GRAMD1B: variants seen among roughly 807,000 people sequenced by gnomAD.
The protein encoded by GRAMD1B is protein Aster-B.
In GRAMD1B, 37 loss-of-function variants were observed where a neutral mutation model predicts 99.7. The ratio of observed to expected loss-of-function variants is 0.37; its 90% confidence interval spans 0.29 to 0.49. The LOEUF (loss-of-function observed/expected upper bound fraction) is 0.49. GRAMD1B is among the 20% of genes least tolerant of loss of function. The probability of loss-of-function intolerance (pLI) is 0.98; values close to 1 mark genes in which losing one functional copy is unlikely to be tolerated. For synonymous variants in GRAMD1B, 427 were observed against 387.6 expected (o/e 1.10, Z -1.19); for missense variants, 888 against 1,009.2 (o/e 0.88, Z 1.63).
At chr11:123,415,804 A>G (rs1948215767) in intron 1 of GRAMD1B, among the ~76,000 whole-genome samples, 1 of 152,194 alleles carries the variant, frequency 6.6e-6, no homozygotes, top group Admixed American at 6.5e-5. Flanking sequence ...GAAACTTGCT[A>G]TTAGTGTTTT....
At position 123,449,714 on chromosome 11, in the gene GRAMD1B, C is replaced by CTTTTTTTTTTTTTTTTTTTTTTTTTTTT. The variant is rs767104181; in HGVS notation, c.374+18565_374+18566insTTTTTTTTTTTTTTTTTTTTTTTTTTTT. 1.3e-3 allele frequency among the ~76,000 whole-genome samples: 134 copies of CTTTTTTTTTTTTTTTTTTTTTTTTTTTT among 99,928 alleles called. 15 individuals are homozygous for CTTTTTTTTTTTTTTTTTTTTTTTTTTTT. Among genetic ancestry groups the CTTTTTTTTTTTTTTTTTTTTTTTTTTTT allele is most frequent in the Middle Eastern group, 5.1e-3 (1 of 198 alleles). 65.6% of individuals were successfully genotyped at this position (99,928 alleles called of 152,430 possible). On this transcript the variant is annotated intron_variant, in intron 1 of 19. Transcript: ENST00000635736. Reference sequence around the variant, plus strand: ...TGCAGATGCATGCCACCATGCCTGGCTTTTTTTTTTTTTTTTTGAGACAGG... The same window carrying CTTTTTTTTTTTTTTTTTTTTTTTTTTTT: ...TGCAGATGCATGCCACCATGCCTGGCTTTTTTTTTTTTTTTTTTTTTTTTTTTTTTTTTTTTTTTTTTTTTGAGACAGG...
chr11:123,505,416 G>A (rs1043375531), intron 2 of GRAMD1B, among the ~76,000 whole-genome samples: 1 of 152,090 alleles, frequency 6.6e-6, no homozygotes, highest in Non-Finnish European at 1.5e-5. Context: ...TTCTGTGGGG[G>A]ACATAAAATT....
rs1226657302 is a variant in GRAMD1B at position 123,492,991 on chromosome 11, C to G, written c.452+12098C>G. On this transcript the variant is annotated intron_variant, in intron 2 of 19. Transcript: ENST00000635736. The surrounding 1 kb of genome is among the most constrained non-coding windows in gnomAD (Gnocchi z 4.2). Reference sequence around the variant, plus strand: ...GCTGGTGAGCAAAGACTGTGTCCCTCTCTGATTAGATGACTTCTCTGGTAC... The same window carrying G: ...GCTGGTGAGCAAAGACTGTGTCCCTGTCTGATTAGATGACTTCTCTGGTAC... Among the ~76,000 whole-genome samples, 1 of 152,156 alleles carries G rather than the reference C, an allele frequency of 6.6e-6. No individual in the cohort carries two copies. Among genetic ancestry groups the G allele is most frequent in the Non-Finnish European group, 1.5e-5 (1 of 68,038 alleles).
intron 1 of GRAMD1B, among the ~76,000 whole-genome samples, chr11:123,471,646 G>A (rs566225946): frequency 1.3e-5 from 2 of 152,270 alleles, no homozygotes; most frequent in Admixed American, 1.3e-4. Context: ...TGGTCTTGGT[G>A]TAACAGAGGT....
chr11:123,490,319 T>C (rs1216550551), intron 2 of GRAMD1B, among the ~76,000 whole-genome samples: 1 of 152,032 alleles, frequency 6.6e-6, no homozygotes, highest in African/African-American at 2.4e-5. Flanking sequence ...ATGAATGAGA[T>C]GAGGCAGGCG....
intron 2 of GRAMD1B, among the ~76,000 whole-genome samples, chr11:123,512,188 A>G (rs1941092715): frequency 6.6e-6 from 1 of 152,204 alleles, no homozygotes; most frequent in Non-Finnish European, 1.5e-5. Flanking sequence ...GGCATCTGCA[A>G]CTGTGTTTGG....
At chr11:123,526,037 ATGGGATTCTGTTCTTT>A in intron 2 of GRAMD1B, 4 of 888,156 alleles carry the variant, frequency 4.5e-6, no homozygotes, top group Non-Finnish European at 7.5e-6. Flanking sequence ...GTCACATTAC[ATGGGATTCTGTTCTTT>A]TGGGACTTCG....
chr11:123,622,663 TATATAA>T lies in GRAMD1B; in HGVS notation c.*74_*79del. 5.7e-6 allele frequency: 2 copies of T among 352,430 alleles called. No homozygotes were observed. The highest frequency in any genetic ancestry group is 5.6e-5 in the East Asian group (1 of 17,746). The allele number at this position is 352,430 out of a possible 1,614,324, so 21.8% of individuals were successfully genotyped here. A position where few individuals can be genotyped will look rare whatever the true frequency, so the allele number is the denominator to read the frequency against. On this transcript the variant is annotated 3_prime_UTR_variant, in exon 20 of 20. Coordinates refer to ENST00000635736, the MANE Select transcript of GRAMD1B (RefSeq NM_001387025.1). ...TGTACATAGACCATATAAATATATA[TATATAA>T]ATATATATATATACAGAATATAAAT...
At chr11:123,485,336 TGTAAG>T (rs1162695152) in intron 2 of GRAMD1B, among the ~76,000 whole-genome samples, 2 of 152,236 alleles carry the variant, frequency 1.3e-5, no homozygotes, top group Non-Finnish European at 2.9e-5. Context: ...CTTGCTTTTG[TGTAAG>T]GTTCAGAACG....
chr11:123,475,871 C>A (rs1455744922), intron 1 of GRAMD1B, among the ~76,000 whole-genome samples: 2 of 152,048 alleles, frequency 1.3e-5, no homozygotes. Flanking sequence ...AACACCTTGG[C>A]CTGGAGGTTG....
chr11:123,371,485 G>T (rs1946528168), intron 1 of GRAMD1B, among the ~76,000 whole-genome samples: 1 of 152,014 alleles, frequency 6.6e-6, no homozygotes, highest in Non-Finnish European at 1.5e-5. Flanking sequence ...CAATAAATTT[G>T]TCTCTTCCAG....
chr11:123,552,273 C>CTTTCTTT (rs752491247), intron 2 of GRAMD1B, among the ~76,000 whole-genome samples: 1 of 119,370 alleles, frequency 8.4e-6, no homozygotes, highest in African/African-American at 3.2e-5. Context: ...CTCTTTCTTT[C>CTTTCTTT]TTTTTTTTTT....
intron 3 of GRAMD1B, among the ~76,000 whole-genome samples, chr11:123,582,012 G>A (rs552272781): frequency 1.3e-4 from 20 of 152,362 alleles, no homozygotes; most frequent in East Asian, 3.9e-4. Context: ...CGAAGGTCAC[G>A]GCATTGAGAC....
intron 1 of GRAMD1B, among the ~76,000 whole-genome samples, chr11:123,447,148 A>T (rs1052285498): frequency 7.2e-5 from 11 of 152,146 alleles, no homozygotes; most frequent in African/African-American, 2.7e-4. Context: ...GCTGGGTGGG[A>T]GAGGAGAAGA....
chr11:123,583,128 T>A (rs1198692816), intron 3 of GRAMD1B, among the ~76,000 whole-genome samples: 1 of 152,114 alleles, frequency 6.6e-6, no homozygotes, highest in Non-Finnish European at 1.5e-5. Context: ...GTGTGGTGTG[T>A]GTGCATGTGC....
Position 123,609,661 on chromosome 11 carries a change from G to A in GRAMD1B, c.1658-134G>A, listed in dbSNP as rs558619191. On this transcript the variant is annotated intron_variant, in intron 12 of 19. Transcript: ENST00000635736. ...TCTTCCCACCCTCCCCCCGGCCCTC[G>A]GGCTCCCATTGGCTTCCTTTTGGGG... The A allele has an allele frequency of 7.4e-5, 44 of 593,026 alleles. No individual in the cohort carries two copies. The South Asian group carries it at 8.0e-4, about 11-fold the overall frequency. 36.7% of individuals were successfully genotyped at this position (593,026 alleles called of 1,614,324 possible). A position where few individuals can be genotyped will look rare whatever the true frequency, so the allele number is the denominator to read the frequency against.
chr11:123,503,034 A>C (rs1488094301), intron 2 of GRAMD1B, among the ~76,000 whole-genome samples: 2 of 152,160 alleles, frequency 1.3e-5, no homozygotes, highest in Non-Finnish European at 2.9e-5. Context: ...GCATATCGCT[A>C]ACCTGAGAAG....
In GRAMD1B at chr11:123,430,934, A is replaced by T. The variant is rs748185038; in HGVS notation, c.142A>T (p.Met48Leu). Residue 48 changes from methionine to leucine, a missense_variant, in exon 1 of 20, where the codon ATG becomes TTG. Coordinates refer to ENST00000635736, the MANE Select transcript of GRAMD1B (RefSeq NM_001387025.1). ...LRRRRFKMRR[M>L]KNVQEQSLEA... ...CCGCCGGCGCTTCAAGATGCGCCGC[A>T]TGAAGAACGTACAGGAGCAGAGCCT... is the stretch of plus-strand genomic sequence containing the variant. 7.1e-6 allele frequency: 5 copies of T among 702,616 alleles called. No individual in the cohort carries two copies. The Admixed American group carries it at 8.0e-5, about 11-fold the overall frequency. 43.5% of individuals were successfully genotyped at this position (702,616 alleles called of 1,614,324 possible).
chr11:123,431,985 C>T (rs1289202752), intron 1 of GRAMD1B: 9 of 398,354 alleles, frequency 2.3e-5, no homozygotes, highest in Non-Finnish European at 4.0e-5. Context: ...TCATCGGTAC[C>T]ACGAATCCTA....
Sources: allele counts gnomAD v4.1 joint callset (sites outside exome capture counted in the v4.1 genomes callset), GRCh38; gene constraint gnomAD v4.1.1; non-coding constraint Gnocchi (gnomAD v3.1); transcripts MANE v1.5; gene names NCBI Gene and HGNC (gene_info 2026-07-23, HGNC 2026-07-21).